Variants in SLC2A13 observed in about 807,000 individuals in gnomAD.
SLC2A13 encodes solute carrier family 2 member 13.
SLC2A13 carries 32 observed loss-of-function variants against 64.4 expected under a neutral mutation model. The ratio of observed to expected loss-of-function variants is 0.50; its 90% CI spans 0.37 to 0.67. The LOEUF (loss-of-function observed/expected upper bound fraction) is 0.67. SLC2A13 is among the 30% of genes least tolerant of loss of function. The pLI, the probability that SLC2A13 is intolerant of heterozygous loss-of-function variation, is 0.00. For synonymous variants in SLC2A13, 338 were observed against 327.1 expected (o/e 1.03, Z -0.36); for missense variants, 743 against 829.2 (o/e 0.90, Z 1.28).
chr12:40,038,930 TA>T (rs35940710), intron 2 of SLC2A13, among the ~76,000 whole-genome samples: 48,335 of 151,414 alleles, frequency 0.32, 7,804 homozygotes, highest in African/African-American at 0.36. Context: ...CTATCGTTGT[TA>T]AAAAAAAGAG....
At chr12:40,055,727 G>T (rs1472182495) in intron 1 of SLC2A13, among the ~76,000 whole-genome samples, 1 of 151,992 alleles carries the variant, frequency 6.6e-6, no homozygotes, top group Non-Finnish European at 1.5e-5. Flanking sequence ...GAAGCAAAGT[G>T]AATAAAAATC....
chr12:40,073,949 A>G (rs1224858422), intron 1 of SLC2A13, among the ~76,000 whole-genome samples: 2 of 151,892 alleles, frequency 1.3e-5, no homozygotes, highest in Admixed American at 6.6e-5. Flanking sequence ...ATTGCTTCAA[A>G]TATTTCTTCT....
chr12:40,037,286 G>A (rs1245114765), intron 2 of SLC2A13, among the ~76,000 whole-genome samples: 3 of 152,000 alleles, frequency 2.0e-5, no homozygotes, highest in Admixed American at 2.0e-4. Context: ...TAAAGTTTTT[G>A]TTTAAGATTG....
At chr12:39,895,484 T>C (rs1944723206) in intron 4 of SLC2A13, among the ~76,000 whole-genome samples, 2 of 71,102 alleles carry the variant, frequency 2.8e-5, no homozygotes, top group Non-Finnish European at 2.5e-5. Context: ...AGCGAGACTC[T>C]GTCTCAAAAA....
At chr12:39,883,830 A>C (rs1944403151) in intron 4 of SLC2A13, among the ~76,000 whole-genome samples, 1 of 152,196 alleles carries the variant, frequency 6.6e-6, no homozygotes, top group Non-Finnish European at 1.5e-5. Flanking sequence ...AACTGGGAAA[A>C]GAGGTCAGGA....
At position 39,779,718 on chromosome 12, in the gene SLC2A13, C is replaced by T. The variant is rs371621364; in HGVS notation, c.1446-14860G>A. ...AAATCTATGTCTATTTAATTTAAAACGTGACTGTCTGTGATGGTAAAAGGA... is the reference window on the plus strand; with the variant it reads ...AAATCTATGTCTATTTAATTTAAAATGTGACTGTCTGTGATGGTAAAAGGA... On this transcript the variant is annotated intron_variant, in intron 7 of 9. Coordinates refer to ENST00000280871, the MANE Select transcript of SLC2A13 (RefSeq NM_052885.4). Among the ~76,000 whole-genome samples, 11 of 152,284 alleles carry T rather than the reference C, an allele frequency of 7.2e-5. No individual in the cohort carries two copies. In the South Asian group the frequency reaches 1.7e-3, roughly 23 times the overall value.
At chr12:39,950,917 G>A (rs1946217314) in intron 4 of SLC2A13, 1 of 315,404 alleles carries the variant, frequency 3.2e-6, no homozygotes, top group Non-Finnish European at 5.7e-6. Context: ...AATGCCAGGT[G>A]ATTTCCTTCT....
chr12:39,987,778 T>G (rs1023107609), intron 3 of SLC2A13, among the ~76,000 whole-genome samples: 11 of 152,164 alleles, frequency 7.2e-5, no homozygotes, highest in African/African-American at 1.2e-4. Context: ...TTTAATCTTT[T>G]TAATATAATG....
chr12:40,046,881 T>A (rs773759831), intron 2 of SLC2A13, among the ~76,000 whole-genome samples: 2 of 151,934 alleles, frequency 1.3e-5, no homozygotes, highest in Non-Finnish European at 2.9e-5. Context: ...TGGGTCCACA[T>A]CATATTGCAC....
chr12:40,100,761 C>T (rs1195372557), intron 1 of SLC2A13, among the ~76,000 whole-genome samples: 1 of 151,914 alleles, frequency 6.6e-6, no homozygotes, highest in Non-Finnish European at 1.5e-5. Flanking sequence ...ATCAGGAGTT[C>T]GAGACCAGCT....
rs560544946 is a variant in SLC2A13 at position 39,869,876 on chromosome 12, T to G, written c.1198+1922A>C. Reference sequence around the variant, plus strand: ...CTAAAATGCTCAGAGCCCTTTACTCTCTGTGTCAGGTAGTATTTGAAATCC... The same window carrying G: ...CTAAAATGCTCAGAGCCCTTTACTCGCTGTGTCAGGTAGTATTTGAAATCC... On this transcript the variant is annotated intron_variant, in intron 5 of 9. Coordinates refer to ENST00000280871, the MANE Select transcript of SLC2A13 (RefSeq NM_052885.4). 4.4e-4 allele frequency among the ~76,000 whole-genome samples: 67 copies of G among 152,342 alleles called. 1 individual carries two copies. In the South Asian group the frequency reaches 0.013, roughly 30 times the overall value.
intron 7 of SLC2A13, among the ~76,000 whole-genome samples, chr12:39,784,287 A>T (rs1356502051): frequency 6.6e-6 from 1 of 152,214 alleles, no homozygotes; most frequent in East Asian, 1.9e-4. Context: ...AGCCAAAAGA[A>T]CAAAGCTGGA....
intron 4 of SLC2A13, among the ~76,000 whole-genome samples, chr12:39,948,850 A>G (rs1285421901): frequency 2.6e-5 from 4 of 152,172 alleles, no homozygotes; most frequent in Non-Finnish European, 4.4e-5. Flanking sequence ...TTCTGAATTA[A>G]CAAAGTAACA....
intron 3 of SLC2A13, among the ~76,000 whole-genome samples, chr12:39,995,946 T>C (rs935840529): frequency 6.6e-6 from 1 of 152,246 alleles, no homozygotes; most frequent in Non-Finnish European, 1.5e-5. Context: ...GTAAGTCCAC[T>C]AAACCTCTTT....
At chr12:39,917,915 T>C (rs1314957809) in intron 4 of SLC2A13, among the ~76,000 whole-genome samples, 3 of 152,098 alleles carry the variant, frequency 2.0e-5, no homozygotes, top group Non-Finnish European at 4.4e-5. Flanking sequence ...ATTATTTTCC[T>C]TCTTCCCTAA....
intron 4 of SLC2A13, among the ~76,000 whole-genome samples, chr12:39,896,516 G>C (rs1459396480): frequency 1.5e-5 from 2 of 136,528 alleles, no homozygotes; most frequent in Non-Finnish European, 3.2e-5. Flanking sequence ...GTACATGTGT[G>C]TATACATGTA....
chr12:40,068,084 T>C (rs1004618771), intron 1 of SLC2A13, among the ~76,000 whole-genome samples: 4 of 152,090 alleles, frequency 2.6e-5, no homozygotes, highest in Admixed American at 2.6e-4. Flanking sequence ...TTTTTCGTTT[T>C]ATTTTTATAG....
intron 2 of SLC2A13, among the ~76,000 whole-genome samples, chr12:40,039,174 C>T (rs1948039797): frequency 6.6e-6 from 1 of 152,150 alleles, no homozygotes; most frequent in South Asian, 2.1e-4. Context: ...GCTCTTTTGT[C>T]ATTAGAAAAT....
At chr12:39,762,535 T>C (rs1387592179) in intron 9 of SLC2A13, among the ~76,000 whole-genome samples, 1 of 151,666 alleles carries the variant, frequency 6.6e-6, no homozygotes, top group African/African-American at 2.4e-5. Flanking sequence ...ATAAACATTA[T>C]TGAATGGGGG....
Sources: allele counts gnomAD v4.1 joint callset (sites outside exome capture counted in the v4.1 genomes callset), GRCh38; gene constraint gnomAD v4.1.1; transcripts MANE v1.5; gene names NCBI Gene and HGNC (gene_info 2026-07-23, HGNC 2026-07-21).